Variants in DOP1B observed in about 807,000 individuals in gnomAD.
DOP1B encodes protein DOP1B.
Under a neutral mutation model 233.5 loss-of-function variants are expected in DOP1B, and 174 were observed. That is an observed-to-expected ratio of 0.75 (90% CI 0.66 to 0.85). DOP1B has a LOEUF of 0.85. Among genes scored for constraint, DOP1B ranks in the 40% least tolerant of loss-of-function variants. The probability of loss-of-function intolerance (pLI) is 0.00; values close to 1 mark genes in which losing one functional copy is unlikely to be tolerated. For synonymous variants in DOP1B, 1,190 were observed against 1,185.6 expected (o/e 1.00, Z -0.08); for missense variants, 2,652 against 2,846.6 (o/e 0.93, Z 1.56).
Position 36,251,227 on chromosome 21 carries a change from A to G in DOP1B, c.5064A>G (p.Thr1688=). Reference sequence around the variant, plus strand: ...CGGCCCATCTTGGGGTTCAGTTGACAGCGGCTGTTGCGGCAGTGTGGAGCA... The same window carrying G: ...CGGCCCATCTTGGGGTTCAGTTGACGGCGGCTGTTGCGGCAGTGTGGAGCA... The part of the protein sequence containing the change: ...PLTAHLGVQL[T]AAVAAVWSRK... Residue 1688 remains threonine, a synonymous_variant, in exon 22 of 37, where the codon ACA becomes ACG. Coordinates refer to ENST00000691173, the MANE Select transcript of DOP1B (RefSeq NM_001320714.2). 1 of 1,614,092 alleles carries G rather than the reference A, an allele frequency of 6.2e-7. No individual in the cohort carries two copies. Among genetic ancestry groups the G allele is most frequent in the Middle Eastern group, 1.6e-4 (1 of 6,062 alleles).
In DOP1B at chr21:36,246,016, G is replaced by T. The variant is rs1313445332; in HGVS notation, c.4036G>T (p.Val1346Phe). The T allele has an allele frequency of 6.2e-7, 1 of 1,613,984 alleles. No individual in the cohort carries two copies. Among genetic ancestry groups the T allele is most frequent in the Non-Finnish European group, 8.5e-7 (1 of 1,180,006 alleles). The change falls in exon 19 of 37, where the codon GTC becomes TTC. Residue 1346 changes from valine to phenylalanine, a missense_variant. This residue lies in a region of DOP1B where 2,617 missense variants were observed against 2,794.3 expected (regional missense o/e 0.94). Transcript: ENST00000691173. This position sits in a 1 kb window ranked among gnomAD's most constrained non-coding sequence, Gnocchi z 5.1. ...RDILGNRDVQ[V>F]KSVEVLIRIM... ...CATTCTCGGCAACCGGGACGTGCAG[G>T]TCAAAAGTGTCGAGGTTTTGATCAG...
Position 36,230,675 on chromosome 21 carries a change from C to G in DOP1B, c.1891C>G (p.Gln631Glu). 5.6e-6 allele frequency: 9 copies of G among 1,614,168 alleles called. No homozygotes were observed. Among genetic ancestry groups the G allele is most frequent in the Non-Finnish European group, 7.6e-6 (9 of 1,180,034 alleles). Residue 631 changes from glutamine (Q) to glutamate (E), a missense_variant, in exon 14 of 37, where the codon CAA becomes GAA. Gln to Glu is a conservative substitution (Grantham distance 29, BLOSUM62 2). Coordinates refer to ENST00000691173, the MANE Select transcript of DOP1B (RefSeq NM_001320714.2). ...GSMQRTFLCIQELIANFASKN... is the reference protein window; with the variant it reads ...GSMQRTFLCIEELIANFASKN... ...CATGCAGAGGACGTTTCTTTGCATCCAAGAGCTAATCGCCAACTTTGCCAG... is the reference window on the plus strand; with the variant it reads ...CATGCAGAGGACGTTTCTTTGCATCGAAGAGCTAATCGCCAACTTTGCCAG...
intron 23 of DOP1B, among the ~76,000 whole-genome samples, chr21:36,257,975 A>T (rs1464758878): frequency 6.6e-6 from 1 of 151,002 alleles, no homozygotes; most frequent in Non-Finnish European, 1.5e-5. Flanking sequence ...AGGTAGGTAG[A>T]TGTAGGTAGG....
At position 36,293,646 on chromosome 21, in the gene DOP1B, G is replaced by A; in HGVS notation, c.*75G>A. On this transcript the variant is annotated 3_prime_UTR_variant, in exon 37 of 37. Transcript: ENST00000691173. ...ACCAGGTTATATTCTAAAGAAGAAA[G>A]AAGGCAGGATAGTGCTTTTGAACAA... The A allele has an allele frequency of 8.6e-6, 13 of 1,508,282 alleles. No homozygotes were observed. The South Asian group carries it at 1.6e-4, about 18-fold the overall frequency. 93.4% of individuals were successfully genotyped at this position (1,508,282 alleles called of 1,614,324 possible).
intron 17 of DOP1B, among the ~76,000 whole-genome samples, chr21:36,239,141 G>A (rs946710588): frequency 3.9e-5 from 6 of 152,066 alleles, no homozygotes; most frequent in Non-Finnish European, 5.9e-5. Context: ...TGACCCCTCC[G>A]AGCACAGCCA....
intron 1 of DOP1B, among the ~76,000 whole-genome samples, chr21:36,163,740 A>G (rs2065887182): frequency 6.6e-6 from 1 of 152,234 alleles, no homozygotes; most frequent in Non-Finnish European, 1.5e-5. Context: ...GCTTAAACAA[A>G]TTAGCTGTTA....
At chr21:36,266,395 C>T (rs1269062569) in intron 26 of DOP1B, among the ~76,000 whole-genome samples, 2 of 152,056 alleles carry the variant, frequency 1.3e-5, no homozygotes, top group African/African-American at 2.4e-5. Context: ...AGGCTGGTCT[C>T]GAACTCGTGA....
rs528529532 is a variant in DOP1B at position 36,238,795 on chromosome 21, G to A, written c.2876+94G>A. ...TGTGGGGCTGGGGAGGGAGAGGAGCGTGCAGTTGAAAACATGAACCCATAT... is the reference window on the plus strand; with the variant it reads ...TGTGGGGCTGGGGAGGGAGAGGAGCATGCAGTTGAAAACATGAACCCATAT... On this transcript the variant is annotated intron_variant, in intron 17 of 36. Transcript: ENST00000691173. 1.4e-4 allele frequency: 170 copies of A among 1,248,676 alleles called. 1 individual carries two copies. In the Middle Eastern group the frequency reaches 2.2e-3, roughly 16 times the overall value. The allele number at this position is 1,248,676 out of a possible 1,614,324, so 77.3% of individuals were successfully genotyped here.
At chr21:36,177,101 C>T (rs1365095343) in intron 2 of DOP1B, among the ~76,000 whole-genome samples, 1 of 152,202 alleles carries the variant, frequency 6.6e-6, no homozygotes, top group Non-Finnish European at 1.5e-5. Context: ...GCGTGAGCCA[C>T]CGTGCCCAGT....
intron 32 of DOP1B, among the ~76,000 whole-genome samples, chr21:36,282,390 C>A (rs1190291129): frequency 6.6e-6 from 1 of 152,150 alleles, no homozygotes; most frequent in Non-Finnish European, 1.5e-5. Context: ...TGCACTCCAG[C>A]CTGGGCAACA....
rs140687352 is a variant in DOP1B, at chr21:36,245,797, G to A, written c.3817G>A (p.Ala1273Thr). 3.6e-4 allele frequency: 577 copies of A among 1,613,826 alleles called. No homozygotes were observed. Among genetic ancestry groups the A allele is most frequent in the Non-Finnish European group, 4.1e-4 (478 of 1,179,992 alleles). Residue 1273 changes from alanine to threonine, a missense_variant, in exon 19 of 37, where the codon GCG (alanine) becomes ACG (threonine). Around this residue, in one of 3 missense-constraint regions of DOP1B, gnomAD observed 2,617 missense variants for 2,794.3 expected, o/e 0.94. Coordinates refer to ENST00000691173, the MANE Select transcript of DOP1B (RefSeq NM_001320714.2). This position sits in a 1 kb window ranked among gnomAD's most constrained non-coding sequence, Gnocchi z 5.5. ...GACTAGCATGGATACCAGCTCCACC[G>A]CGCACCTCAACCTCATCTCCAACCT... ...SRTSMDTSSTAHLNLISNLLA... is the reference protein window; with the variant it reads ...SRTSMDTSSTTHLNLISNLLA...
chr21:36,175,290 T>C (rs998828076), intron 2 of DOP1B, among the ~76,000 whole-genome samples: 1 of 151,874 alleles, frequency 6.6e-6, no homozygotes, highest in Non-Finnish European at 1.5e-5. Flanking sequence ...TTTGTATTTT[T>C]AGTAGAGATG....
chr21:36,187,048 T>G (rs1467772282), intron 2 of DOP1B, among the ~76,000 whole-genome samples: 1 of 151,996 alleles, frequency 6.6e-6, no homozygotes, highest in Non-Finnish European at 1.5e-5. Flanking sequence ...AATGAGCTTC[T>G]GAACCTGCCA....
chr21:36,200,358 C>T lies in DOP1B; in HGVS notation c.348C>T (p.His116=), dbSNP rs574986601. ...YSCGLFPLLA[H]AAVSVRPVLL... is the part of the protein sequence containing the mutation. Reference sequence around the variant, plus strand: ...GCGGGTTATTTCCTCTCCTGGCACACGCGGCGGTGTCGGTGAGGCCGGTGC... The same window carrying T: ...GCGGGTTATTTCCTCTCCTGGCACATGCGGCGGTGTCGGTGAGGCCGGTGC... Residue 116 remains histidine (H), a synonymous_variant, in exon 4 of 37, where the codon CAC becomes CAT. Transcript: ENST00000691173. The T allele has an allele frequency of 1.9e-5, 31 of 1,605,542 alleles. No homozygotes were observed. The South Asian group carries it at 2.8e-4, about 14-fold the overall frequency.
chr21:36,174,388 T>C (rs2066002425), intron 2 of DOP1B, among the ~76,000 whole-genome samples: 1 of 152,184 alleles, frequency 6.6e-6, no homozygotes, highest in Admixed American at 6.5e-5. Context: ...CTTGGGAGAC[T>C]GAGGCAAGAG....
At chr21:36,268,241 C>CCTTT (rs1303412978) in intron 26 of DOP1B, among the ~76,000 whole-genome samples, 5 of 152,132 alleles carry the variant, frequency 3.3e-5, no homozygotes, top group African/African-American at 9.7e-5. Flanking sequence ...GGAATGCATT[C>CCTTT]CTTTCCCAGG....
chr21:36,212,274 G>C (rs1032360361), intron 7 of DOP1B, among the ~76,000 whole-genome samples, 177 bp downstream of exon 7: 2 of 152,172 alleles, frequency 1.3e-5, no homozygotes, highest in Non-Finnish European at 1.5e-5. Flanking sequence ...ACATAGCTTG[G>C]TTATTTTGCA....
At chr21:36,189,381 G>A (rs535387466) in intron 2 of DOP1B, among the ~76,000 whole-genome samples, 1 of 152,166 alleles carries the variant, frequency 6.6e-6, no homozygotes, top group East Asian at 1.9e-4. Context: ...AAATAAATAA[G>A]AAAGTTTAAT....
intron 7 of DOP1B, among the ~76,000 whole-genome samples, chr21:36,213,626 A>G (rs1337786855): frequency 6.6e-6 from 1 of 151,718 alleles, no homozygotes. Context: ...CCCCTTCTCT[A>G]CTAAAAAATA....
Sources: gnomAD v4.1 joint callset for allele counts (sites outside exome capture counted in the v4.1 genomes callset) on GRCh38, gnomAD v4.1.1 for gene constraint, gnomAD v4.1.1 regional missense constraint, Gnocchi (gnomAD v3.1) non-coding constraint, MANE v1.5 for transcripts, NCBI Gene and HGNC (gene_info 2026-07-23, HGNC 2026-07-21) for gene names.